The following TLN2 variants were observed in gnomAD, a reference collection of about 807,000 sequenced individuals.
TLN2 encodes talin 2.
TLN2 carries 118 observed loss-of-function variants against 294.7 expected under a neutral mutation model. That is an observed-to-expected ratio of 0.40 (90% confidence interval 0.34 to 0.47). TLN2 has a LOEUF of 0.47. TLN2 is among the 20% of genes least tolerant of loss of function. TLN2 has a pLI of 0.84. For synonymous variants in TLN2, 1,431 were observed against 1,304.5 expected, an observed-to-expected ratio of 1.10 and a Z score of -2.09; for missense variants, 3,083 against 3,282.2, an observed-to-expected ratio of 0.94 and a Z score of 1.48.
intron 54 of TLN2, 179 bp from the exon 55 acceptor site, chr15:62,833,325 G>A: frequency 1.1e-6 from 1 of 938,022 alleles, no homozygotes; most frequent in South Asian, 1.8e-5. Flanking sequence ...AGTCCTGAAA[G>A]TTTGCACAGG....
At chr15:62,641,620 T>G (rs1449795315) in intron 3 of TLN2, among the ~76,000 whole-genome samples, 1 of 147,066 alleles carries the variant, frequency 6.8e-6, no homozygotes, top group East Asian at 2.0e-4. Flanking sequence ...AAGCTCCATC[T>G]AAAAAATAAA....
At position 62,805,722 on chromosome 15, in the gene TLN2, G is replaced by C; in HGVS notation, c.6600G>C (p.Glu2200Asp). 6.2e-7 allele frequency: 1 copy of C among 1,614,172 alleles called. No individual in the cohort carries two copies. The highest frequency in any genetic ancestry group is 1.1e-5 in the South Asian group (1 of 91,076). ...AVAAGNSCRQ[E>D]DVIATANLSR... is the part of the protein sequence containing the mutation. ...CAGCTGGGAACTCATGTAGACAGGA[G>C]GACGTGATTGCTACTGCCAACCTGA... Residue 2200 changes from glutamate (E) to aspartate (D), a missense_variant, in exon 51 of 59, where the codon GAG (glutamate) becomes GAC (aspartate). By Grantham distance (45) the Glu-to-Asp change is conservative. Transcript: ENST00000636159.
intron 2 of TLN2, among the ~76,000 whole-genome samples, chr15:62,598,240 A>G (rs2046700972): frequency 6.6e-6 from 1 of 152,168 alleles, no homozygotes; most frequent in Admixed American, 6.5e-5. Context: ...CTGTAGTGGG[A>G]AGTGCTTCTT....
chr15:62,474,118 C>T (rs2037652226), intron 1 of TLN2, among the ~76,000 whole-genome samples: 1 of 152,166 alleles, frequency 6.6e-6, no homozygotes. Flanking sequence ...ACAGAACAAA[C>T]AAAGGAATTG....
chr15:62,760,177 G>A (rs935570996), intron 37 of TLN2, among the ~76,000 whole-genome samples: 1 of 152,050 alleles, frequency 6.6e-6, no homozygotes, highest in Admixed American at 6.5e-5. Flanking sequence ...CTGTCTGGTG[G>A]GGGAAGGGCA....
chr15:62,460,306 C>G (rs929671964), intron 1 of TLN2, among the ~76,000 whole-genome samples: 1 of 149,378 alleles, frequency 6.7e-6, no homozygotes, highest in African/African-American at 2.5e-5. Flanking sequence ...GCTCTTGTTG[C>G]CCAGGCTGGA....
At chr15:62,737,270 A>G (rs965798395) in intron 29 of TLN2, among the ~76,000 whole-genome samples, 184 bp downstream of exon 29, 7 of 152,220 alleles carry the variant, frequency 4.6e-5, no homozygotes, top group African/African-American at 1.4e-4. Flanking sequence ...CTTGCCTAGT[A>G]TTCTCCACAG....
Position 62,702,244 on chromosome 15 carries a change from G to A in TLN2, c.1905+44G>A, listed in dbSNP as rs1400038206. On this transcript the variant is annotated intron_variant, in intron 18 of 58. Coordinates refer to ENST00000636159, the MANE Select transcript of TLN2 (RefSeq NM_015059.3). ...CAATCACTCAGGTTCTGATGGGACA[G>A]CTGCATCCACTGGGGGACCATGGGG... is the stretch of plus-strand genomic sequence containing the variant. 14 of 1,531,422 alleles carry A rather than the reference G, an allele frequency of 9.1e-6. No individual in the cohort carries two copies. The East Asian group carries it at 3.4e-4, about 38-fold the overall frequency. The allele number at this position is 1,531,422 out of a possible 1,614,324, so 94.9% of individuals were successfully genotyped here. A position where few individuals can be genotyped will look rare whatever the true frequency, so the allele number is the denominator to read the frequency against.
At chr15:62,397,476 G>A (rs1200117499) in intron 1 of TLN2, among the ~76,000 whole-genome samples, 2 of 152,054 alleles carry the variant, frequency 1.3e-5, no homozygotes, top group East Asian at 3.9e-4. Context: ...GTTGCCCAGA[G>A]TGGTCTCGAA....
intron 52 of TLN2, among the ~76,000 whole-genome samples, chr15:62,812,113 G>C (rs2066734387): frequency 6.6e-6 from 1 of 152,074 alleles, no homozygotes; most frequent in Non-Finnish European, 1.5e-5. Context: ...GCTAACGGTG[G>C]GCTTGCAGCA....
rs371522814 is a variant in TLN2, at chr15:62,454,779, C to T, written c.-238+64094C>T. Reference sequence around the variant, plus strand: ...TAGACCCTGGAACACTGGCTTCTTTCATTCGGCCCTTTAGAGGAGTGGCCC... The same window carrying T: ...TAGACCCTGGAACACTGGCTTCTTTTATTCGGCCCTTTAGAGGAGTGGCCC... On this transcript the variant is annotated intron_variant, in intron 1 of 58. Coordinates refer to ENST00000636159, the MANE Select transcript of TLN2 (RefSeq NM_015059.3). Among the ~76,000 whole-genome samples the T allele has an allele frequency of 3.3e-4, 50 of 152,294 alleles. No individual in the cohort carries two copies. The East Asian group carries it at 7.4e-3, about 22-fold the overall frequency.
chr15:62,421,032 A>G (rs1411731056), intron 1 of TLN2, among the ~76,000 whole-genome samples: 1 of 152,266 alleles, frequency 6.6e-6, no homozygotes, highest in Non-Finnish European at 1.5e-5. Context: ...ACACGTAGAC[A>G]TACATATAGT....
chr15:62,460,413 T>C lies in TLN2; in HGVS notation c.-238+69728T>C, dbSNP rs186059810. ...CCTAGTAGCTGGGATTACAGGCATGTGCCACCACGCCTGGCTACTTTGTAT... is the reference window on the plus strand; with the variant it reads ...CCTAGTAGCTGGGATTACAGGCATGCGCCACCACGCCTGGCTACTTTGTAT... On this transcript the variant is annotated intron_variant, in intron 1 of 58. Transcript: ENST00000636159. Among the ~76,000 whole-genome samples the C allele has an allele frequency of 1.9e-3, 283 of 152,244 alleles. 1 individual carries two copies. The highest frequency in any genetic ancestry group is 6.5e-3 in the African/African-American group (272 of 41,546).
chr15:62,700,013 A>G (rs1403256668), intron 16 of TLN2, among the ~76,000 whole-genome samples: 1 of 152,234 alleles, frequency 6.6e-6, no homozygotes, highest in Non-Finnish European at 1.5e-5. Context: ...CTGCCCTCCA[A>G]GTTCTCCCAG....
chr15:62,445,528 G>A (rs2035773224), intron 1 of TLN2, among the ~76,000 whole-genome samples: 1 of 152,136 alleles, frequency 6.6e-6, no homozygotes, highest in African/African-American at 2.4e-5. Flanking sequence ...CTTACATAGT[G>A]TATAAGTAAA....
At position 62,673,868 on chromosome 15, in the gene TLN2, G is replaced by C; in HGVS notation, c.830G>C (p.Gly277Ala). 6.2e-7 allele frequency: 1 copy of C among 1,613,234 alleles called. No individual in the cohort carries two copies. The highest frequency in any genetic ancestry group is 8.5e-7 in the Non-Finnish European group (1 of 1,179,510). The change falls in exon 10 of 59, where the codon GGA becomes GCA. Residue 277 changes from glycine to alanine, a missense_variant. Coordinates refer to ENST00000636159, the MANE Select transcript of TLN2 (RefSeq NM_015059.3). ...FLPKEYIKQR[G>A]AEKRIFQEHK... Reference sequence around the variant, plus strand: ...CCCAAAGAATATATCAAGCAGAGAGGAGCTGAAAAGAGGATCTTTCAGGTA... The same window carrying C: ...CCCAAAGAATATATCAAGCAGAGAGCAGCTGAAAAGAGGATCTTTCAGGTA...
chr15:62,819,127 T>C (rs2067349197), intron 52 of TLN2, among the ~76,000 whole-genome samples: 1 of 152,196 alleles, frequency 6.6e-6, no homozygotes, highest in South Asian at 2.1e-4. Context: ...CCCAAAGTGC[T>C]TGGATTACAG....
At chr15:62,796,717 A>T (rs2292862) in intron 47 of TLN2, among the ~76,000 whole-genome samples, 104,738 of 151,942 alleles carry the variant, frequency 0.69, 36,464 homozygotes, top group African/African-American at 0.79. Flanking sequence ...GCTGCTAGGG[A>T]CCCCTGAAAC....
intron 1 of TLN2, among the ~76,000 whole-genome samples, chr15:62,511,409 C>T (rs1567044719): frequency 1.3e-5 from 2 of 152,188 alleles, no homozygotes; most frequent in South Asian, 4.1e-4. Flanking sequence ...TCTTTGAATT[C>T]TCCCTTTTTT....
Sources: gnomAD v4.1 joint callset for allele counts (sites outside exome capture counted in the v4.1 genomes callset) on GRCh38, gnomAD v4.1.1 for gene constraint, MANE v1.5 for transcripts, NCBI Gene and HGNC (gene_info 2026-07-23, HGNC 2026-07-21) for gene names.